NELL1: variants seen among roughly 807,000 people sequenced by gnomAD.
NELL1 encodes protein kinase C-binding protein NELL1.
In NELL1, 76 loss-of-function variants were observed where a neutral mutation model predicts 107.4. The ratio of observed to expected loss-of-function variants is 0.71; its 90% CI spans 0.59 to 0.86. NELL1 has a LOEUF of 0.86. Ranked by LOEUF, NELL1 falls within the 40% of genes least tolerant of loss-of-function variation. The probability of loss-of-function intolerance (pLI) is 0.00; values close to 1 mark genes in which losing one functional copy is unlikely to be tolerated. For synonymous variants in NELL1, 353 were observed against 341.2 expected (o/e 1.03, Z -0.38); for missense variants, 1,024 against 1,005.5 (o/e 1.02, Z -0.25).
At chr11:21,039,476 A>G (rs1853175693) in intron 12 of NELL1, among the ~76,000 whole-genome samples, 1 of 152,180 alleles carries the variant, frequency 6.6e-6, no homozygotes, top group East Asian at 1.9e-4. Context: ...GTGAGCCACC[A>G]CACCTGGCCA....
chr11:20,956,602 C>T (rs905634850), intron 11 of NELL1, among the ~76,000 whole-genome samples: 10 of 150,276 alleles, frequency 6.7e-5, no homozygotes, highest in East Asian at 3.9e-4. Context: ...GCTGAGATCA[C>T]GCCACTGCAC....
At chr11:20,940,250 A>G (rs1324051653) in intron 10 of NELL1, among the ~76,000 whole-genome samples, 1 of 132,246 alleles carries the variant, frequency 7.6e-6, no homozygotes, top group Non-Finnish European at 1.6e-5. Flanking sequence ...ACCCCTAGAC[A>G]TGGCTACCTT....
chr11:20,929,927 G>A (rs1377318470), intron 9 of NELL1, among the ~76,000 whole-genome samples: 7 of 149,964 alleles, frequency 4.7e-5, no homozygotes, highest in East Asian at 2.0e-4. Flanking sequence ...AGCTGAGATC[G>A]CGCCACTGCA....
chr11:21,332,223 C>A (rs1850287407), intron 14 of NELL1, among the ~76,000 whole-genome samples: 1 of 151,980 alleles, frequency 6.6e-6, no homozygotes, highest in Non-Finnish European at 1.5e-5. Context: ...TCTAAGGATG[C>A]ACTGCTTTGC....
At chr11:21,204,345 T>C (rs1453760491) in intron 13 of NELL1, among the ~76,000 whole-genome samples, 1 of 152,004 alleles carries the variant, frequency 6.6e-6, no homozygotes, top group African/African-American at 2.4e-5. Context: ...TCTTCACGCT[T>C]TATTTCATTA....
intron 14 of NELL1, among the ~76,000 whole-genome samples, chr11:21,342,445 G>T (rs1850590127): frequency 6.6e-6 from 1 of 150,386 alleles, no homozygotes; most frequent in Non-Finnish European, 1.5e-5. Flanking sequence ...AGGAGTTCGA[G>T]ACCAGCCTGG....
chr11:20,880,617 C>T (rs779855412), intron 4 of NELL1, among the ~76,000 whole-genome samples: 1 of 152,176 alleles, frequency 6.6e-6, no homozygotes, highest in Non-Finnish European at 1.5e-5. Flanking sequence ...AAAAAGGCAA[C>T]AGTAACCTTT....
intron 5 of NELL1, among the ~76,000 whole-genome samples, chr11:20,900,184 CT>C (rs1419370860): frequency 6.6e-6 from 1 of 152,138 alleles, no homozygotes; most frequent in East Asian, 1.9e-4. Flanking sequence ...CTCATCTCTG[CT>C]TCATGTGGCC....
intron 13 of NELL1, among the ~76,000 whole-genome samples, chr11:21,166,907 A>G (rs1856496547): frequency 6.6e-6 from 1 of 151,918 alleles, no homozygotes; most frequent in African/African-American, 2.4e-5. Context: ...TGCCAATGAG[A>G]TAACTTCTTC....
intron 13 of NELL1, chr11:21,169,622 T>C (rs2133810342): frequency 2.7e-6 from 1 of 363,860 alleles, no homozygotes; most frequent in South Asian, 6.0e-5. Flanking sequence ...ATGCATTCTT[T>C]CCCATATTCT....
At chr11:21,191,946 T>C (rs954107463) in intron 13 of NELL1, among the ~76,000 whole-genome samples, 2 of 151,940 alleles carry the variant, frequency 1.3e-5, no homozygotes, top group African/African-American at 4.9e-5. Flanking sequence ...TATTAGATAA[T>C]ATGTGAAAGA....
chr11:20,966,063 C>T (rs1465213306), intron 12 of NELL1, among the ~76,000 whole-genome samples: 3 of 152,106 alleles, frequency 2.0e-5, no homozygotes, highest in Non-Finnish European at 4.4e-5. Context: ...CAAGTGTGGG[C>T]TTCAGTCTCC....
At chr11:21,092,398 T>A (rs1854541829) in intron 12 of NELL1, among the ~76,000 whole-genome samples, 1 of 152,160 alleles carries the variant, frequency 6.6e-6, no homozygotes, top group African/African-American at 2.4e-5. Flanking sequence ...GTTTTTCCCA[T>A]CTGTAAAATG....
At chr11:20,839,100 C>G (rs1416554170) in intron 3 of NELL1, among the ~76,000 whole-genome samples, 1 of 151,872 alleles carries the variant, frequency 6.6e-6, no homozygotes, top group Non-Finnish European at 1.5e-5. Flanking sequence ...TTTTATTTTT[C>G]TATCTTAACT....
At chr11:20,870,911 T>C (rs923455837) in intron 4 of NELL1, among the ~76,000 whole-genome samples, 2 of 152,180 alleles carry the variant, frequency 1.3e-5, no homozygotes, top group Admixed American at 1.3e-4. Flanking sequence ...ACTAAATGAA[T>C]AATTCGGTGT....
chr11:20,779,005 A>G (rs902726169), intron 2 of NELL1, among the ~76,000 whole-genome samples: 2 of 151,870 alleles, frequency 1.3e-5, no homozygotes, highest in African/African-American at 4.8e-5. Context: ...TGGTGTGATT[A>G]TGAGGACTGG....
intron 14 of NELL1, among the ~76,000 whole-genome samples, chr11:21,278,696 A>G (rs1168004398): frequency 1.3e-5 from 2 of 152,204 alleles, no homozygotes; most frequent in Non-Finnish European, 2.9e-5. Context: ...TATTGTTAGG[A>G]TGTCAGTTCT....
intron 3 of NELL1, among the ~76,000 whole-genome samples, chr11:20,805,601 G>C (rs1857365750): frequency 6.6e-6 from 1 of 152,052 alleles, no homozygotes; most frequent in African/African-American, 2.4e-5. Flanking sequence ...CTCGCTGCAG[G>C]CTCCGCCTCC....
Position 20,778,290 on chromosome 11 carries a change from G to T in NELL1, c.185-5390G>T, listed in dbSNP as rs186808814. On this transcript the variant is annotated intron_variant, in intron 2 of 19. Coordinates refer to ENST00000357134, the MANE Select transcript of NELL1 (RefSeq NM_006157.5). ...GTCTATCCTCTAGGGCAGAAACTGTGTTTTTACTTTTATTTCCCCAGTGCC... is the reference window on the plus strand; with the variant it reads ...GTCTATCCTCTAGGGCAGAAACTGTTTTTTTACTTTTATTTCCCCAGTGCC... 1.4e-3 allele frequency among the ~76,000 whole-genome samples: 216 copies of T among 152,246 alleles called. 1 individual carries two copies. The highest frequency in any genetic ancestry group is 5.0e-3 in the African/African-American group (207 of 41,554).
Sources: gnomAD v4.1 joint callset for allele counts (sites outside exome capture counted in the v4.1 genomes callset) on GRCh38, gnomAD v4.1.1 for gene constraint, MANE v1.5 for transcripts, NCBI Gene and HGNC (gene_info 2026-07-23, HGNC 2026-07-21) for gene names.